Variants in FNDC3B observed in about 807,000 individuals in gnomAD.
FNDC3B encodes fibronectin type III domain containing 3B, also known as fibronectin type III domain-containing protein 3B.
FNDC3B carries 12 observed loss-of-function variants against 151.5 expected under a neutral mutation model. The ratio of observed to expected loss-of-function variants is 0.08; its 90% confidence interval spans 0.05 to 0.13. The LOEUF is 0.13. Ranked by LOEUF, FNDC3B falls within the 10% of genes least tolerant of loss-of-function variation. The pLI is 1.00. For missense variants in FNDC3B, 1,214 were observed against 1,505.3 expected, an observed-to-expected ratio of 0.81 and a Z score of 3.20; for synonymous variants, 528 against 549.0, an observed-to-expected ratio of 0.96 and a Z score of 0.54.
At chr3:172,392,570 G>A (rs373357761) in intron 25 of FNDC3B, among the ~76,000 whole-genome samples, 1 of 151,966 alleles carries the variant, frequency 6.6e-6, no homozygotes. Context: ...CATGTCCAGT[G>A]CACTTGTATT....
intron 1 of FNDC3B, among the ~76,000 whole-genome samples, chr3:172,110,257 C>G (rs1719892982): frequency 6.6e-6 from 1 of 152,146 alleles, no homozygotes; most frequent in Non-Finnish European, 1.5e-5. Context: ...TCAGTTCAAC[C>G]TCCCCATTCC....
chr3:172,267,811 C>T (rs1210996640), intron 6 of FNDC3B, among the ~76,000 whole-genome samples: 1 of 152,128 alleles, frequency 6.6e-6, no homozygotes. Context: ...TGTTAAATAG[C>T]CCTCAGGGAA....
chr3:172,192,154 G>GT (rs200012948), intron 3 of FNDC3B, among the ~76,000 whole-genome samples: 111 of 144,590 alleles, frequency 7.7e-4, no homozygotes, highest in African/African-American at 2.4e-3. Context: ...ACAGAAGACT[G>GT]TTTTTTTTGT....
chr3:172,132,276 G>A (rs1721142944), intron 2 of FNDC3B, among the ~76,000 whole-genome samples: 1 of 152,174 alleles, frequency 6.6e-6, no homozygotes, highest in South Asian at 2.1e-4. Context: ...AGCCAGGGAG[G>A]AACAGGGCTT....
chr3:172,139,528 C>T (rs1721517657), intron 3 of FNDC3B, among the ~76,000 whole-genome samples: 1 of 152,148 alleles, frequency 6.6e-6, no homozygotes, highest in South Asian at 2.1e-4. Flanking sequence ...CTGAAATTTG[C>T]AACCAGTTTT....
intron 3 of FNDC3B, among the ~76,000 whole-genome samples, chr3:172,191,728 C>G (rs376243469): frequency 6.6e-6 from 1 of 152,138 alleles, no homozygotes; most frequent in African/African-American, 2.4e-5. Flanking sequence ...AACTTCTGGG[C>G]TCAAGTGATC....
intron 14 of FNDC3B, 76 bp from the exon 15 acceptor site, chr3:172,334,868 C>T: frequency 1.4e-6 from 2 of 1,406,994 alleles, no homozygotes; most frequent in African/African-American, 1.4e-5. Flanking sequence ...TTAATCTCAC[C>T]ATGTTAAAAA....
At chr3:172,260,858 ATG>A (rs1471453727) in intron 6 of FNDC3B, among the ~76,000 whole-genome samples, 1 of 152,082 alleles carries the variant, frequency 6.6e-6, no homozygotes, top group East Asian at 1.9e-4. Flanking sequence ...AGCCCACAGA[ATG>A]GGGTCTGACA....
intron 1 of FNDC3B, among the ~76,000 whole-genome samples, chr3:172,090,917 T>G (rs1718791714): frequency 6.6e-6 from 1 of 152,192 alleles, no homozygotes; most frequent in Non-Finnish European, 1.5e-5. Flanking sequence ...ATGTTTAGAC[T>G]TGGGTCCCAT....
At position 172,342,912 on chromosome 3, in the gene FNDC3B, G is replaced by C. The variant is rs182521216; in HGVS notation, c.1972-99G>C. 3.1e-5 allele frequency: 22 copies of C among 710,534 alleles called. No individual in the cohort carries two copies. The Admixed American group carries it at 3.5e-4, about 11-fold the overall frequency. 44.0% of individuals were successfully genotyped at this position (710,534 alleles called of 1,614,324 possible). A position where few individuals can be genotyped will look rare whatever the true frequency, so the allele number is the denominator to read the frequency against. On this transcript the variant is annotated intron_variant, in intron 17 of 25. Coordinates refer to ENST00000415807, the MANE Select transcript of FNDC3B (RefSeq NM_022763.4). ...ACATTTAGTGTGTAACCCCTTTTCG[G>C]TAACATTTGCAGTTATGGGGTGGAA...
At chr3:172,231,454 A>C (rs1353397797) in intron 4 of FNDC3B, among the ~76,000 whole-genome samples, 2 of 152,176 alleles carry the variant, frequency 1.3e-5, no homozygotes, top group African/African-American at 4.8e-5. Flanking sequence ...AATCTCAATA[A>C]AGCTAGTACA....
chr3:172,385,800 C>T (rs1327483655), intron 25 of FNDC3B, among the ~76,000 whole-genome samples: 6 of 152,134 alleles, frequency 3.9e-5, no homozygotes, highest in Non-Finnish European at 7.3e-5. Context: ...CCTGGTGATC[C>T]ACCCACCTCA....
intron 3 of FNDC3B, among the ~76,000 whole-genome samples, chr3:172,167,505 T>G (rs1013757527): frequency 6.6e-6 from 1 of 152,230 alleles, no homozygotes; most frequent in African/African-American, 2.4e-5. Context: ...CTGGTTGGTT[T>G]TACTTTTGCC....
intron 3 of FNDC3B, among the ~76,000 whole-genome samples, chr3:172,201,024 A>T (rs1345690474): frequency 6.6e-6 from 1 of 152,220 alleles, no homozygotes; most frequent in African/African-American, 2.4e-5. Flanking sequence ...CTAGAGTTTG[A>T]ATAACACTTG....
chr3:172,227,069 C>A, intron 4 of FNDC3B, 122 bp downstream of exon 4: 2 of 675,600 alleles, frequency 3.0e-6, no homozygotes, highest in South Asian at 3.6e-5. Context: ...GCTAGGTTTG[C>A]CATCATTTTG....
chr3:172,233,745 C>A (rs534070332), intron 4 of FNDC3B, among the ~76,000 whole-genome samples: 5 of 152,292 alleles, frequency 3.3e-5, no homozygotes, highest in African/African-American at 1.2e-4. Flanking sequence ...CCCTGAGAAA[C>A]TGAGATTCAG....
At chr3:172,237,658 G>C (rs1727237512) in intron 4 of FNDC3B, 1 of 152,194 alleles carries the variant, frequency 6.6e-6, no homozygotes, top group Non-Finnish European at 1.5e-5. Context: ...ACATAAATGA[G>C]AGTGCTCATA....
chr3:172,135,253 GTA>G (rs963266505), intron 3 of FNDC3B, among the ~76,000 whole-genome samples: 7 of 151,974 alleles, frequency 4.6e-5, no homozygotes, highest in South Asian at 2.1e-4. Flanking sequence ...AGGAGTGTGT[GTA>G]TGTGTGTGTG....
At chr3:172,323,844 G>T (rs1490706628) in intron 11 of FNDC3B, among the ~76,000 whole-genome samples, 4 of 152,156 alleles carry the variant, frequency 2.6e-5, no homozygotes, top group Non-Finnish European at 4.4e-5. Flanking sequence ...AACCAAAAAT[G>T]CATGACCCTT....
Sources: gnomAD v4.1 joint callset for allele counts (sites outside exome capture counted in the v4.1 genomes callset) on GRCh38, gnomAD v4.1.1 for gene constraint, MANE v1.5 for transcripts, NCBI Gene and HGNC (gene_info 2026-07-23, HGNC 2026-07-21) for gene names.